TUB: variants seen among roughly 807,000 people sequenced by gnomAD.
TUB encodes the protein TUB bipartite transcription factor.
In TUB, 33 loss-of-function variants were observed where a neutral mutation model predicts 59.7. That is an observed-to-expected ratio of 0.55 (90% CI 0.42 to 0.74). The LOEUF (loss-of-function observed/expected upper bound fraction) is 0.74. TUB is among the 30% of genes least tolerant of loss of function. The pLI, the probability that TUB is intolerant of heterozygous loss-of-function variation, is 0.00. For missense variants in TUB, 659 were observed against 672.0 expected, an observed-to-expected ratio of 0.98 and a Z score of 0.21; for synonymous variants, 293 against 256.4, an observed-to-expected ratio of 1.14 and a Z score of -1.36.
chr11:8,043,649 C>T (rs2133738725), intron 2 of TUB, among the ~76,000 whole-genome samples: 1 of 152,242 alleles, frequency 6.6e-6, no homozygotes, highest in East Asian at 1.9e-4. Flanking sequence ...TTATTTTTAG[C>T]AGTTTATTCC....
intron 1 of TUB, among the ~76,000 whole-genome samples, chr11:8,088,645 C>T (rs1040951365): frequency 6.6e-6 from 1 of 152,246 alleles, no homozygotes; most frequent in African/African-American, 2.4e-5. Context: ...TTCCCCAGAG[C>T]TCAGATCCTC....
intron 4 of TUB, among the ~76,000 whole-genome samples, chr11:8,094,594 G>A (rs962982029): frequency 5.3e-5 from 8 of 152,308 alleles, no homozygotes; most frequent in Non-Finnish European, 8.8e-5. Flanking sequence ...AGCCCTCGCC[G>A]TCAGCTCTTC....
At chr11:8,099,969 A>G (rs868628704) in intron 9 of TUB, among the ~76,000 whole-genome samples, 2 of 152,336 alleles carry the variant, frequency 1.3e-5, no homozygotes, top group South Asian at 4.1e-4. Flanking sequence ...ACTTGGAGTG[A>G]GCTGGAGAGC....
At chr11:8,042,614 A>T (rs773451768) in intron 2 of TUB, among the ~76,000 whole-genome samples, 2 of 152,142 alleles carry the variant, frequency 1.3e-5, no homozygotes, top group Non-Finnish European at 2.9e-5. Context: ...AATACATGTT[A>T]TTATCTGCAA....
upstream of TUB, among the ~76,000 whole-genome samples, chr11:8,080,774 G>A (rs142713726): frequency 1.7e-3 from 253 of 152,306 alleles, 1 homozygote; most frequent in African/African-American, 5.7e-3. Flanking sequence ...CGGGGGTGTG[G>A]GAACTCGGAG....
At chr11:8,035,706 G>A (rs1942635375), upstream of TUB, 1 of 152,316 alleles carries the variant, frequency 6.6e-6, no homozygotes, top group Non-Finnish European at 1.5e-5. Context: ...TCTGCTCGTA[G>A]AATCACATCC....
chr11:8,061,936 A>AC, intron 2 of TUB: 1 of 152,236 alleles, frequency 6.6e-6, no homozygotes, highest in South Asian at 2.1e-4. Flanking sequence ...CTGGGAAGAG[A>AC]CCCCACCCCT....
chr11:8,057,532 A>C (rs1943039205), intron 2 of TUB, among the ~76,000 whole-genome samples: 1 of 152,208 alleles, frequency 6.6e-6, no homozygotes, highest in East Asian at 1.9e-4. Context: ...ACTTCTTTTA[A>C]TCTATAACTA....
At chr11:8,065,715 G>C (rs973014173) in intron 2 of TUB, among the ~76,000 whole-genome samples, 1 of 152,176 alleles carries the variant, frequency 6.6e-6, no homozygotes, top group Non-Finnish European at 1.5e-5. Flanking sequence ...CCTAGGAGCA[G>C]AGCTGGAAGA....
At chr11:8,075,755 C>G (rs1444477517) in intron 2 of TUB, 2 of 152,244 alleles carry the variant, frequency 1.3e-5, no homozygotes, top group African/African-American at 4.8e-5. Context: ...GTTACACCAT[C>G]TCTTTCCCAG....
intron 2 of TUB, among the ~76,000 whole-genome samples, chr11:8,074,739 CTTTTTTT>C (rs1157516500): frequency 1.6e-5 from 1 of 60,616 alleles, no homozygotes; most frequent in Non-Finnish European, 2.9e-5. Flanking sequence ...GACCTCGTGT[CTTTTTTT>C]TTTTTTTTTT....
chr11:8,076,535 T>G (rs1458405808), upstream of TUB: 3 of 152,178 alleles, frequency 2.0e-5, no homozygotes, highest in Non-Finnish European at 1.5e-5. Flanking sequence ...GTATCCCACT[T>G]CACTTTGGAA....
upstream of TUB, among the ~76,000 whole-genome samples, chr11:8,034,098 C>T (rs911553022): frequency 6.6e-6 from 1 of 152,218 alleles, no homozygotes; most frequent in African/African-American, 2.4e-5. Context: ...TCTCACCTGG[C>T]CCCAGCTCAG....
At chr11:8,081,682 T>C in intron 1 of TUB, 134 bp downstream of exon 1, 1 of 989,648 alleles carries the variant, frequency 1.0e-6, no homozygotes, top group Admixed American at 4.3e-5. Flanking sequence ...TTGGAGTCGC[T>C]GGTCCTTCCT....
chr11:8,041,307 C>T (rs1238256077), intron 2 of TUB, among the ~76,000 whole-genome samples: 1 of 152,134 alleles, frequency 6.6e-6, no homozygotes, highest in East Asian at 1.9e-4. Flanking sequence ...CAAGATGGTG[C>T]CAGCAAGCAT....
chr11:8,061,353 G>A (rs1363013724), intron 2 of TUB, among the ~76,000 whole-genome samples: 1 of 152,202 alleles, frequency 6.6e-6, no homozygotes, highest in African/African-American at 2.4e-5. Flanking sequence ...AGACCAGTGT[G>A]TGGGGGCGTG....
chr11:8,056,478 G>T (rs1341037709), intron 2 of TUB, among the ~76,000 whole-genome samples: 1 of 152,180 alleles, frequency 6.6e-6, no homozygotes, highest in Non-Finnish European at 1.5e-5. Flanking sequence ...GGAAGGCAGG[G>T]GGACGTCTGG....
intron 2 of TUB, among the ~76,000 whole-genome samples, chr11:8,059,682 G>A (rs1943085285): frequency 6.6e-6 from 1 of 152,132 alleles, no homozygotes; most frequent in Non-Finnish European, 1.5e-5. Flanking sequence ...AGGGGAGACA[G>A]CAGAGCAAGG....
At chr11:8,073,647 A>G (rs1320685246) in intron 2 of TUB, among the ~76,000 whole-genome samples, 1 of 152,210 alleles carries the variant, frequency 6.6e-6, no homozygotes, top group African/African-American at 2.4e-5. Flanking sequence ...CTGCAAATCC[A>G]ATAATGCTGG....
Sources: gnomAD v4.1 joint callset for allele counts (sites outside exome capture counted in the v4.1 genomes callset) on GRCh38, gnomAD v4.1.1 for gene constraint, MANE v1.5 for transcripts, NCBI Gene and HGNC (gene_info 2026-07-23, HGNC 2026-07-21) for gene names.